Variants in PEX7 observed in about 807,000 individuals in gnomAD.
PEX7 encodes peroxisomal biogenesis factor 7.
In PEX7, 34 loss-of-function variants were observed where a neutral mutation model predicts 47.5. The ratio of observed to expected loss-of-function variants is 0.72; its 90% CI spans 0.54 to 0.95. PEX7 has a LOEUF of 0.95. Among genes scored for constraint, PEX7 ranks in the 40% least tolerant of loss-of-function variants. PEX7 has a pLI of 0.00. For synonymous variants in PEX7, 141 were observed against 148.8 expected (o/e 0.95, Z 0.38); for missense variants, 394 against 400.3 (o/e 0.98, Z 0.13).
chr6:136,822,683 T>C lies in PEX7; in HGVS notation c.18T>C (p.Gly6=). MSAVC[G]GAARMLRTPG... ...CGGGCGGGATGAGTGCGGTGTGCGGTGGAGCGGCGCGGATGCTGCGGACGC... is the reference window on the plus strand; with the variant it reads ...CGGGCGGGATGAGTGCGGTGTGCGGCGGAGCGGCGCGGATGCTGCGGACGC... The change falls in exon 1 of 10, where the codon GGT becomes GGC. Residue 6 remains glycine, a synonymous_variant. Coordinates refer to ENST00000318471, the MANE Select transcript of PEX7 (RefSeq NM_000288.4). 1.3e-6 allele frequency: 2 copies of C among 1,522,134 alleles called. No individual in the cohort carries two copies. Among genetic ancestry groups the C allele is most frequent in the Non-Finnish European group, 1.8e-6 (2 of 1,141,218 alleles). The allele number at this position is 1,522,134 out of a possible 1,614,324, so 94.3% of individuals were successfully genotyped here.
At chr6:136,877,446 G>A (rs182725529) in intron 8 of PEX7, among the ~76,000 whole-genome samples, 5 of 152,112 alleles carry the variant, frequency 3.3e-5, no homozygotes, top group Non-Finnish European at 1.5e-5. Flanking sequence ...TTATGGTTTT[G>A]GGTTTACATT....
At chr6:136,833,209 CCTT>C (rs1165490809) in intron 3 of PEX7, among the ~76,000 whole-genome samples, 1 of 152,126 alleles carries the variant, frequency 6.6e-6, no homozygotes, top group Admixed American at 6.6e-5. Flanking sequence ...GAAGCAGACA[CCTT>C]CTTCAGAAGG....
intron 1 of PEX7, among the ~76,000 whole-genome samples, chr6:136,824,644 C>A (rs763476306): frequency 2.6e-5 from 4 of 152,210 alleles, no homozygotes; most frequent in Non-Finnish European, 4.4e-5. Context: ...AATACAATGG[C>A]CCTTTGGTAA....
chr6:136,828,828 T>C (rs535757117), intron 3 of PEX7, among the ~76,000 whole-genome samples: 3 of 152,372 alleles, frequency 2.0e-5, no homozygotes, highest in South Asian at 4.1e-4. Flanking sequence ...GTTAGGTTAC[T>C]TTGAGTCTGC....
At chr6:136,889,376 ATTAT>A (rs991058982) in intron 8 of PEX7, among the ~76,000 whole-genome samples, 2 of 152,192 alleles carry the variant, frequency 1.3e-5, no homozygotes, top group African/African-American at 2.4e-5. Context: ...CTTTTTCAGA[ATTAT>A]TTGTTACTAA....
intron 5 of PEX7, among the ~76,000 whole-genome samples, chr6:136,849,987 T>G (rs1350563972): frequency 1.3e-5 from 2 of 152,140 alleles, no homozygotes; most frequent in Non-Finnish European, 2.9e-5. Context: ...TGTGGGAGTC[T>G]AAGTCTCTTT....
At chr6:136,875,608 C>T (rs1186361163) in intron 8 of PEX7, among the ~76,000 whole-genome samples, 2 of 152,170 alleles carry the variant, frequency 1.3e-5, no homozygotes, top group African/African-American at 4.8e-5. Flanking sequence ...ATTTGCAGTT[C>T]AGAAGAATGT....
In PEX7 at chr6:136,871,469, TA is replaced by T. The variant is rs559714494; in HGVS notation, c.748-725del. On this transcript the variant is annotated intron_variant, in intron 7 of 9. Coordinates refer to ENST00000318471, the MANE Select transcript of PEX7 (RefSeq NM_000288.4). The stretch of plus-strand genomic sequence containing the variant: ...CGTGATTATAGCAATCATATATTTG[TA>T]AAATTGGTAAATTATATAATTATAT... Among the ~76,000 whole-genome samples, 298 of 152,354 alleles carry T rather than the reference TA, an allele frequency of 2.0e-3. 2 individuals carry two copies. Among genetic ancestry groups the T allele is most frequent in the African/African-American group, 6.4e-3 (267 of 41,588 alleles).
At position 136,869,874 on chromosome 6, in the gene PEX7, T is replaced by C. The variant is rs751096718; in HGVS notation, c.634-16T>C. The C allele has an allele frequency of 6.3e-7, 1 of 1,582,524 alleles. No homozygotes were observed. The highest frequency in any genetic ancestry group is 1.1e-5 in the South Asian group (1 of 90,458). On this transcript the variant is annotated splice_polypyrimidine_tract_variant and intron_variant, in intron 6 of 9. Transcript: ENST00000318471. Reference sequence around the variant, plus strand: ...GCAAAGATGTCACAGTTTATGTTTCTCTGAATTGTTTTTAGAATTTGCTGG... The same window carrying C: ...GCAAAGATGTCACAGTTTATGTTTCCCTGAATTGTTTTTAGAATTTGCTGG...
chr6:136,879,480 A>T (rs1775337493), intron 8 of PEX7, among the ~76,000 whole-genome samples: 1 of 152,142 alleles, frequency 6.6e-6, no homozygotes, highest in African/African-American at 2.4e-5. Flanking sequence ...GTTTTTGAGA[A>T]TTCTGATGCC....
intron 7 of PEX7, chr6:136,870,646 A>G: frequency 3.9e-6 from 1 of 256,322 alleles, no homozygotes; most frequent in South Asian, 3.5e-5. Flanking sequence ...AAGGATAAAA[A>G]AGTACCTTAT....
In PEX7 at chr6:136,826,379, C is replaced by T; in HGVS notation, c.249C>T (p.Leu83=). 3 of 1,613,970 alleles carry T rather than the reference C, an allele frequency of 1.9e-6. No individual in the cohort carries two copies. Among genetic ancestry groups the T allele is most frequent in the Non-Finnish European group, 2.5e-6 (3 of 1,180,004 alleles). The change falls in exon 3 of 10, where the codon CTC becomes CTT. Residue 83 remains leucine (L), a synonymous_variant. Transcript: ENST00000318471. The stretch of plus-strand genomic sequence containing the variant: ...GGAGTGAGAACAACGAACATGTCCT[C>T]ATCACCTGTAGTGGCGATGGCTCGC... ...VTWSENNEHV[L]ITCSGDGSLQ...
intron 5 of PEX7, among the ~76,000 whole-genome samples, chr6:136,848,834 A>C (rs1272137200): frequency 6.6e-6 from 1 of 152,194 alleles, no homozygotes; most frequent in African/African-American, 2.4e-5. Context: ...TGTCTCTACC[A>C]GGCTTTGGTA....
At chr6:136,839,774 T>C (rs1774461887) in intron 3 of PEX7, among the ~76,000 whole-genome samples, 1 of 152,234 alleles carries the variant, frequency 6.6e-6, no homozygotes, top group Non-Finnish European at 1.5e-5. Flanking sequence ...CAGAAACTTT[T>C]ATTAACTCTA....
intron 3 of PEX7, among the ~76,000 whole-genome samples, chr6:136,840,658 T>C (rs1774479733): frequency 6.6e-6 from 1 of 152,236 alleles, no homozygotes; most frequent in Admixed American, 6.5e-5. Flanking sequence ...AAGGATGTTA[T>C]AATCTAAGTG....
intron 9 of PEX7, among the ~76,000 whole-genome samples, chr6:136,902,557 T>A (rs1775770363): frequency 6.6e-6 from 1 of 152,222 alleles, no homozygotes; most frequent in Admixed American, 6.5e-5. Flanking sequence ...TTAACCAGGC[T>A]GAAGGCATCG....
At chr6:136,867,519 A>G (rs1445358141) in intron 6 of PEX7, among the ~76,000 whole-genome samples, 2 of 152,178 alleles carry the variant, frequency 1.3e-5, no homozygotes, top group Non-Finnish European at 2.9e-5. Flanking sequence ...AAAAAATTAA[A>G]TAGAAAAAAG....
chr6:136,898,395 G>A (rs1775690444), intron 9 of PEX7, among the ~76,000 whole-genome samples, 154 bp downstream of exon 9: 1 of 152,228 alleles, frequency 6.6e-6, no homozygotes, highest in Non-Finnish European at 1.5e-5. Context: ...GAGGTATCAA[G>A]AAAGTTGACA....
At chr6:136,870,411 A>G (rs139119917) in intron 7 of PEX7, among the ~76,000 whole-genome samples, 5 of 152,342 alleles carry the variant, frequency 3.3e-5, no homozygotes, top group Non-Finnish European at 7.3e-5. Context: ...ACATGATAAC[A>G]TACATGACTG....
Sources: gnomAD v4.1 joint callset for allele counts (sites outside exome capture counted in the v4.1 genomes callset) on GRCh38, gnomAD v4.1.1 for gene constraint, MANE v1.5 for transcripts, NCBI Gene and HGNC (gene_info 2026-07-23, HGNC 2026-07-21) for gene names.